Variants in RASA1 observed in about 807,000 individuals in gnomAD.
RASA1 encodes RAS p21 protein activator 1.
In RASA1, 25 loss-of-function variants were observed where a neutral mutation model predicts 132.2. The observed-to-expected ratio is 0.19, with a 90% CI of 0.14 to 0.26. The LOEUF is 0.26. Ranked by LOEUF, RASA1 falls within the 10% of genes least tolerant of loss-of-function variation. The pLI, the probability that RASA1 is intolerant of heterozygous loss-of-function variation, is 1.00. For missense variants in RASA1, 964 were observed against 1,299.2 expected, an observed-to-expected ratio of 0.74 and a Z score of 3.97; for synonymous variants, 477 against 449.9, an observed-to-expected ratio of 1.06 and a Z score of -0.76.
At position 87,332,537 on chromosome 5, in the gene RASA1, T is replaced by C. The variant is rs763574599; in HGVS notation, c.723T>C (p.Ile241=). The change falls in exon 3 of 25, where the codon ATT becomes ATC. Residue 241 remains isoleucine (I), a synonymous_variant. Coordinates refer to ENST00000274376, the MANE Select transcript of RASA1 (RefSeq NM_002890.3). ...RIIAMCGDYY[I]GGRRFSSLSD... ...TTGCTATGTGTGGAGATTACTACATTGGTGGAAGACGTTTTTCTTCACTGT... is the reference window on the plus strand; with the variant it reads ...TTGCTATGTGTGGAGATTACTACATCGGTGGAAGACGTTTTTCTTCACTGT... The C allele has an allele frequency of 2.5e-6, 4 of 1,607,462 alleles. No homozygotes were observed. The highest frequency in any genetic ancestry group is 3.4e-6 in the Non-Finnish European group (4 of 1,174,410).
chr5:87,305,763 TAGA>T, intron 1 of RASA1, among the ~76,000 whole-genome samples: 1 of 152,308 alleles, frequency 6.6e-6, no homozygotes, highest in East Asian at 1.9e-4. Context: ...ATCCAGCATC[TAGA>T]AGAACTTAAA....
chr5:87,362,560 C>A lies in RASA1; in HGVS notation c.1342C>A (p.Gln448Lys), dbSNP rs369911929. The change falls in exon 10 of 25, where the codon CAA becomes AAA. Residue 448 changes from glutamine (Q) to lysine (K), a missense_variant. By Grantham distance (53) the Gln-to-Lys change is moderately conservative. Coordinates refer to ENST00000274376, the MANE Select transcript of RASA1 (RefSeq NM_002890.3). Reference sequence around the variant, plus strand: ...GTTTTTTAAAATTCAGGATCAAGAACAAGTACTCAATGACACAGTGGATGG... The same window carrying A: ...GTTTTTTAAAATTCAGGATCAAGAAAAAGTACTCAATGACACAGTGGATGG... ...KEPVPMQDQE[Q>K]VLNDTVDGKE... 1 of 1,590,566 alleles carries A rather than the reference C, an allele frequency of 6.3e-7. No individual in the cohort carries two copies. The highest frequency in any genetic ancestry group is 1.1e-5 in the South Asian group (1 of 90,524).
rs1222624408 is a variant in RASA1, at chr5:87,338,518, TATATATATATATATAAAA to T, written c.1017+428_1017+445del. Among the ~76,000 whole-genome samples the T allele has an allele frequency of 4.1e-4, 41 of 100,610 alleles. 4 individuals are homozygous for T. Among genetic ancestry groups the T allele is most frequent in the Middle Eastern group, 5.4e-3 (1 of 186 alleles). 66.0% of individuals were successfully genotyped at this position (100,610 alleles called of 152,430 possible). On this transcript the variant is annotated intron_variant, in intron 5 of 24. Coordinates refer to ENST00000274376, the MANE Select transcript of RASA1 (RefSeq NM_002890.3). ...AGCTAATTTTATATATATATATATA[TATATATATATATATAAAA>T]TTTTTTTTTTTTTTAAGTAGAAATG...
At chr5:87,278,909 C>CTTTTTTT (rs58122450) in intron 1 of RASA1, among the ~76,000 whole-genome samples, 5 of 83,998 alleles carry the variant, frequency 6.0e-5, no homozygotes, top group Admixed American at 1.8e-4. Context: ...CTAATTTGTT[C>CTTTTTTT]TTTTTTTTTT....
At chr5:87,355,481 C>G (rs1232483011) in intron 9 of RASA1, among the ~76,000 whole-genome samples, 1 of 152,190 alleles carries the variant, frequency 6.6e-6, no homozygotes, top group Non-Finnish European at 1.5e-5. Flanking sequence ...TTGAAACCTA[C>G]TGCTCAGAAC....
intron 23 of RASA1, among the ~76,000 whole-genome samples, chr5:87,388,873 C>T (rs1290039538): frequency 2.0e-5 from 3 of 152,032 alleles, no homozygotes; most frequent in Non-Finnish European, 4.4e-5. Flanking sequence ...CACTATTTGG[C>T]ATATGTTCTA....
chr5:87,342,166 T>G (rs923042545), intron 6 of RASA1, among the ~76,000 whole-genome samples: 1 of 151,006 alleles, frequency 6.6e-6, no homozygotes, highest in African/African-American at 2.4e-5. Flanking sequence ...TTTTTTCTTT[T>G]TTTTTTTTTT....
At chr5:87,345,769 A>T (rs1419573972) in intron 6 of RASA1, among the ~76,000 whole-genome samples, 1 of 152,184 alleles carries the variant, frequency 6.6e-6, no homozygotes, top group African/African-American at 2.4e-5. Context: ...TATATATTTT[A>T]GTCGTATATT....
At chr5:87,327,643 C>G (rs1385472392) in intron 1 of RASA1, among the ~76,000 whole-genome samples, 1 of 152,144 alleles carries the variant, frequency 6.6e-6, no homozygotes, top group Non-Finnish European at 1.5e-5. Flanking sequence ...TTCTGTCAGC[C>G]TAAACTGTTT....
At chr5:87,351,190 AAGC>A (rs1448653862) in intron 8 of RASA1, among the ~76,000 whole-genome samples, 3 of 151,728 alleles carry the variant, frequency 2.0e-5, no homozygotes, top group Non-Finnish European at 3.0e-5. Context: ...TAAAAAAAAA[AAGC>A]AGAAGAGGCA....
intron 1 of RASA1, among the ~76,000 whole-genome samples, chr5:87,281,565 T>G (rs1754319695): frequency 6.6e-6 from 1 of 152,074 alleles, no homozygotes; most frequent in Admixed American, 6.6e-5. Context: ...AAGAAATGTC[T>G]GTTGCCCATT....
At chr5:87,364,196 T>A (rs1760331404) in intron 11 of RASA1, among the ~76,000 whole-genome samples, 1 of 152,164 alleles carries the variant, frequency 6.6e-6, no homozygotes, top group South Asian at 2.1e-4. Flanking sequence ...CAACAGCTTG[T>A]TTTTCTGCCG....
intron 11 of RASA1, among the ~76,000 whole-genome samples, chr5:87,368,676 C>G (rs1760708329): frequency 6.6e-6 from 1 of 152,156 alleles, no homozygotes; most frequent in Admixed American, 6.6e-5. Context: ...CTTTTTTCTC[C>G]TAGCACTATC....
chr5:87,385,155 C>G, intron 21 of RASA1, 146 bp from the exon 22 acceptor site: 1 of 671,926 alleles, frequency 1.5e-6, no homozygotes, highest in Non-Finnish European at 2.7e-6. Flanking sequence ...TTTCAAAAAA[C>G]ATTTTTCCAA....
At chr5:87,320,393 T>C (rs1756697795) in intron 1 of RASA1, among the ~76,000 whole-genome samples, 1 of 152,226 alleles carries the variant, frequency 6.6e-6, no homozygotes, top group African/African-American at 2.4e-5. Flanking sequence ...TACAAAGAAC[T>C]ACCTGAGACT....
At chr5:87,313,445 GT>G (rs771963375) in intron 1 of RASA1, among the ~76,000 whole-genome samples, 3 of 152,192 alleles carry the variant, frequency 2.0e-5, no homozygotes, top group Non-Finnish European at 4.4e-5. Context: ...TCATTCTCCA[GT>G]TTGGCTAGAT....
rs767789983 is a variant in RASA1 at position 87,380,571 on chromosome 5, C to A, written c.2666C>A (p.Thr889Asn). Residue 889 changes from threonine to asparagine, a missense_variant, in exon 20 of 25, where the codon ACC becomes AAC. By Grantham distance (65) the Thr-to-Asn change is moderately conservative. Transcript: ENST00000274376. The part of the protein sequence containing the change: ...KSVQHKWPTN[T>N]TMRTRVVSGF... ...GTTCAGCATAAGTGGCCTACAAATA[C>A]CACCATGAGAACAAGAGTTGTTAGG... is the stretch of plus-strand genomic sequence containing the variant. 3.1e-6 allele frequency: 5 copies of A among 1,612,678 alleles called. No individual in the cohort carries two copies. The African/African-American group carries it at 5.3e-5, about 17-fold the overall frequency.
At chr5:87,329,417 G>C (rs1474354022) in intron 1 of RASA1, among the ~76,000 whole-genome samples, 1 of 152,072 alleles carries the variant, frequency 6.6e-6, no homozygotes, top group African/African-American at 2.4e-5. Flanking sequence ...ACTCCAGCCT[G>C]GGCGACAGAG....
intron 23 of RASA1, among the ~76,000 whole-genome samples, chr5:87,387,628 A>T (rs1416498813): frequency 3.9e-5 from 6 of 152,138 alleles, no homozygotes; most frequent in Non-Finnish European, 8.8e-5. Flanking sequence ...CTAGGATTGG[A>T]GATTGAGGTG....
Sources: allele counts gnomAD v4.1 joint callset (sites outside exome capture counted in the v4.1 genomes callset), GRCh38; gene constraint gnomAD v4.1.1; transcripts MANE v1.5; gene names NCBI Gene and HGNC (gene_info 2026-07-23, HGNC 2026-07-21).